MTUS2: variants seen among roughly 807,000 people sequenced by gnomAD.
MTUS2 encodes microtubule associated scaffold protein 2, also known as microtubule-associated tumor suppressor candidate 2.
Under a neutral mutation model 114.1 loss-of-function variants are expected in MTUS2, and 40 were observed. The ratio of observed to expected loss-of-function variants is 0.35; its 90% CI spans 0.27 to 0.46. The LOEUF is 0.46. Ranked by LOEUF, MTUS2 falls within the 20% of genes least tolerant of loss-of-function variation. The pLI is 1.00. For missense variants in MTUS2, 1,679 were observed against 1,705.4 expected, an observed-to-expected ratio of 0.98 and a Z score of 0.27; for synonymous variants, 688 against 672.0, an observed-to-expected ratio of 1.02 and a Z score of -0.37.
chr13:29,227,614 T>C (rs1896162021), intron 5 of MTUS2, among the ~76,000 whole-genome samples: 1 of 152,238 alleles, frequency 6.6e-6, no homozygotes, highest in South Asian at 2.1e-4. Flanking sequence ...TTGGCATTCT[T>C]TCCTTTTGTG....
At chr13:29,419,171 C>T (rs565655573) in intron 8 of MTUS2, among the ~76,000 whole-genome samples, 30 of 152,312 alleles carry the variant, frequency 2.0e-4, no homozygotes, top group Admixed American at 1.4e-3. Context: ...GAATGTCATG[C>T]CCCTCCTCAT....
intron 1 of MTUS2, among the ~76,000 whole-genome samples, chr13:28,834,883 T>C (rs1276222215): frequency 6.6e-6 from 1 of 152,176 alleles, no homozygotes; most frequent in African/African-American, 2.4e-5. Context: ...GGATTTGAAT[T>C]GACATTTTTC....
chr13:29,246,824 A>G (rs779933676), intron 5 of MTUS2, among the ~76,000 whole-genome samples: 4 of 152,126 alleles, frequency 2.6e-5, no homozygotes. Flanking sequence ...GAAAATGACC[A>G]TAACTGCCAA....
At chr13:29,132,460 C>T (rs1246575503) in intron 5 of MTUS2, among the ~76,000 whole-genome samples, 2 of 152,156 alleles carry the variant, frequency 1.3e-5, no homozygotes, top group Non-Finnish European at 2.9e-5. Context: ...CCATCACCAC[C>T]ACCCATCCAC....
chr13:29,038,940 AG>A (rs1887212640), intron 4 of MTUS2, among the ~76,000 whole-genome samples: 1 of 152,158 alleles, frequency 6.6e-6, no homozygotes, highest in East Asian at 1.9e-4. Context: ...GGCCTTCCAA[AG>A]CCACCACTTC....
intron 8 of MTUS2, among the ~76,000 whole-genome samples, chr13:29,392,905 A>C (rs1873619395): frequency 6.6e-6 from 1 of 152,228 alleles, no homozygotes; most frequent in South Asian, 2.1e-4. Flanking sequence ...TACCACAATA[A>C]AAAATTAACT....
intron 5 of MTUS2, among the ~76,000 whole-genome samples, chr13:29,262,594 A>G (rs1207685709): frequency 6.6e-6 from 1 of 151,786 alleles, no homozygotes; most frequent in Non-Finnish European, 1.5e-5. Flanking sequence ...AGTAAGTTTG[A>G]AGGAATTATG....
At chr13:29,254,190 G>T (rs1897220845) in intron 5 of MTUS2, among the ~76,000 whole-genome samples, 1 of 152,184 alleles carries the variant, frequency 6.6e-6, no homozygotes, top group Non-Finnish European at 1.5e-5. Context: ...AATTTTAAGT[G>T]TTCTTCTGTG....
At chr13:28,973,113 T>G (rs1417872351) in intron 2 of MTUS2, among the ~76,000 whole-genome samples, 1 of 152,232 alleles carries the variant, frequency 6.6e-6, no homozygotes, top group African/African-American at 2.4e-5. Flanking sequence ...GAGATTAAAA[T>G]AGATTTTATT....
chr13:29,273,236 G>C (rs1487807498), intron 5 of MTUS2, among the ~76,000 whole-genome samples: 1 of 152,174 alleles, frequency 6.6e-6, no homozygotes, highest in Non-Finnish European at 1.5e-5. Context: ...AGGAGGAACT[G>C]AGTATCACCC....
chr13:29,346,745 T>A (rs1471848791), intron 7 of MTUS2, among the ~76,000 whole-genome samples: 1 of 146,152 alleles, frequency 6.8e-6, no homozygotes, highest in East Asian at 1.9e-4. Context: ...CTCCCTGTGG[T>A]CTTTCCCCAA....
In MTUS2 at chr13:29,102,276, C is replaced by T. The variant is rs188284234; in HGVS notation, c.2644+1306C>T. On this transcript the variant is annotated intron_variant, in intron 5 of 15. Transcript: ENST00000612955. The stretch of plus-strand genomic sequence containing the variant: ...TTTTTATTAATAAAATTCCTGATGA[C>T]GTGTTTCTTTTTTAGAGAAAGTAGT... Among the ~76,000 whole-genome samples, 17 of 152,210 alleles carry T rather than the reference C, an allele frequency of 1.1e-4. No homozygotes were observed. In the East Asian group the frequency reaches 1.5e-3, roughly 14 times the overall value.
intron 2 of MTUS2, among the ~76,000 whole-genome samples, chr13:28,978,436 A>G (rs1448209365): frequency 1.3e-5 from 2 of 152,220 alleles, no homozygotes; most frequent in Non-Finnish European, 2.9e-5. Flanking sequence ...CATAAACAAC[A>G]TCATTTGCAG....
chr13:29,281,241 C>T (rs776814599), intron 5 of MTUS2, among the ~76,000 whole-genome samples: 1 of 152,134 alleles, frequency 6.6e-6, no homozygotes, highest in Admixed American at 6.5e-5. Flanking sequence ...AATAAAATTC[C>T]TGGGCTCATG....
intron 8 of MTUS2, among the ~76,000 whole-genome samples, chr13:29,418,627 C>T (rs1375546099): frequency 6.6e-6 from 1 of 152,164 alleles, no homozygotes; most frequent in Non-Finnish European, 1.5e-5. Flanking sequence ...AGTTGAGTGC[C>T]TCCACCTGGC....
chr13:29,495,962 A>G (rs1013799646), intron 12 of MTUS2, among the ~76,000 whole-genome samples: 4 of 151,830 alleles, frequency 2.6e-5, no homozygotes, highest in Admixed American at 1.3e-4. Context: ...CTATATCTAT[A>G]TATTTTTTAG....
intron 2 of MTUS2, among the ~76,000 whole-genome samples, chr13:28,892,686 T>G (rs576833421): frequency 6.6e-6 from 1 of 152,294 alleles, no homozygotes; most frequent in South Asian, 2.1e-4. Flanking sequence ...TCTCTCCTTC[T>G]CATTCTTCTC....
At chr13:29,142,208 C>T (rs1015020423) in intron 5 of MTUS2, among the ~76,000 whole-genome samples, 1 of 151,810 alleles carries the variant, frequency 6.6e-6, no homozygotes, top group Non-Finnish European at 1.5e-5. Context: ...TTTACATACA[C>T]CGATAAATTG....
chr13:29,440,125 T>C (rs2138681480), intron 9 of MTUS2, 76 bp downstream of exon 9: 1 of 1,410,252 alleles, frequency 7.1e-7, no homozygotes. Flanking sequence ...CAAAAGCAAT[T>C]ATGCCTCCTG....
Sources: gnomAD v4.1 joint callset for allele counts (sites outside exome capture counted in the v4.1 genomes callset) on GRCh38, gnomAD v4.1.1 for gene constraint, MANE v1.5 for transcripts, NCBI Gene and HGNC (gene_info 2026-07-23, HGNC 2026-07-21) for gene names.